MSRA: variants seen among roughly 807,000 people sequenced by gnomAD.
MSRA encodes the protein methionine sulfoxide reductase A.
Under a neutral mutation model 31.3 loss-of-function variants are expected in MSRA, and 54 were observed. The observed-to-expected ratio is 1.73, with a 90% CI of 1.39 to 2.17. MSRA has a LOEUF of 2.17. Among genes scored for constraint, MSRA ranks in the 30% most tolerant of loss-of-function variants. The pLI, the probability that MSRA is intolerant of heterozygous loss-of-function variation, is 0.00. For missense variants in MSRA, 507 were observed against 300.9 expected, an observed-to-expected ratio of 1.69 and a Z score of -5.07; for synonymous variants, 169 against 116.5, an observed-to-expected ratio of 1.45 and a Z score of -2.90.
Position 10,428,281 on chromosome 8 carries a change from G to GC in MSRA, c.678dup (p.Val227ArgfsTer8). 1 of 1,614,086 alleles carries GC rather than the reference G, an allele frequency of 6.2e-7. No individual in the cohort carries two copies. The highest frequency in any genetic ancestry group is 8.5e-7 in the Non-Finnish European group (1 of 1,180,014). On this transcript the variant is annotated frameshift_variant, in exon 6 of 6. Coordinates refer to ENST00000317173, the MANE Select transcript of MSRA (RefSeq NM_012331.5). LOFTEE classifies it high-confidence loss of function. ...GGCTACTGCGGCCTTGGGGGCACCGGCGTGTCCTGCCCAGTGGGTATTAAA... is the reference window on the plus strand; with the variant it reads ...GGCTACTGCGGCCTTGGGGGCACCGGCCGTGTCCTGCCCAGTGGGTATTAAA...
chr8:10,207,947 T>A, intron 2 of MSRA, 46 bp downstream of exon 2: 1 of 1,497,976 alleles, frequency 6.7e-7, no homozygotes, highest in Non-Finnish European at 9.2e-7. Context: ...GTGCAAAGAC[T>A]AGTGCCAAAT....
intron 1 of MSRA, among the ~76,000 whole-genome samples, chr8:10,148,225 C>G (rs1034764464): frequency 6.6e-6 from 1 of 151,994 alleles, no homozygotes; most frequent in Non-Finnish European, 1.5e-5. Context: ...CTAATGTGAT[C>G]CATTCAGAAG....
chr8:10,416,014 T>G (rs1004493975), intron 5 of MSRA, among the ~76,000 whole-genome samples: 1 of 152,124 alleles, frequency 6.6e-6, no homozygotes, highest in Non-Finnish European at 1.5e-5. Flanking sequence ...TCTGACCCTC[T>G]GGGTGGGGGA....
At chr8:10,363,036 C>T (rs1174754035) in intron 5 of MSRA, among the ~76,000 whole-genome samples, 1 of 152,184 alleles carries the variant, frequency 6.6e-6, no homozygotes, top group Non-Finnish European at 1.5e-5. Context: ...TATTCAGTGA[C>T]CCTCGCCAGC....
chr8:10,107,014 CTG>C (rs1799932251), intron 1 of MSRA, among the ~76,000 whole-genome samples: 1 of 152,172 alleles, frequency 6.6e-6, no homozygotes, highest in Non-Finnish European at 1.5e-5. Flanking sequence ...CATTTAGTCT[CTG>C]AGTCCCTCAG....
At chr8:10,176,261 A>G (rs754020168) in intron 1 of MSRA, among the ~76,000 whole-genome samples, 1 of 152,234 alleles carries the variant, frequency 6.6e-6, no homozygotes, top group Non-Finnish European at 1.5e-5. Flanking sequence ...AAGTCCTCAA[A>G]TCTGTCCTTT....
chr8:10,313,086 G>A (rs1301591333), intron 4 of MSRA, among the ~76,000 whole-genome samples: 1 of 152,062 alleles, frequency 6.6e-6, no homozygotes, highest in Non-Finnish European at 1.5e-5. Context: ...TTCCCCAGCC[G>A]GACACCATTC....
intron 3 of MSRA, among the ~76,000 whole-genome samples, chr8:10,251,867 G>GGT (rs1554505683): frequency 1.3e-5 from 2 of 151,728 alleles, no homozygotes; most frequent in Admixed American, 1.3e-4. Flanking sequence ...ATGGTGGGGG[G>GGT]GGGGGGACAT....
chr8:10,386,246 C>T (rs115486263), intron 5 of MSRA, among the ~76,000 whole-genome samples: 1,648 of 152,266 alleles, frequency 0.011, 22 homozygotes, highest in Middle Eastern at 0.065. Context: ...AATTGTGTAG[C>T]CAAGTGGAAG....
rs145609986 is a variant in MSRA at position 10,423,908 on chromosome 8, CTCAT to C, written c.544-4218_544-4215del. On this transcript the variant is annotated intron_variant, in intron 5 of 5. Transcript: ENST00000317173. ...ATCCCAAGAATCCATAGTTCATTTT[CTCAT>C]TCATTCATTCATTCATTCATTAATT... Among the ~76,000 whole-genome samples the C allele has an allele frequency of 1.4e-4, 18 of 130,672 alleles. No homozygotes were observed. In the East Asian group the frequency reaches 3.3e-3, roughly 24 times the overall value. 85.7% of individuals were successfully genotyped at this position (130,672 alleles called of 152,430 possible). A position where few individuals can be genotyped will look rare whatever the true frequency, so the allele number is the denominator to read the frequency against.
chr8:10,385,631 G>C (rs1409766227), intron 5 of MSRA, among the ~76,000 whole-genome samples: 1 of 152,164 alleles, frequency 6.6e-6, no homozygotes, highest in Non-Finnish European at 1.5e-5. Context: ...GAGTTCAGTG[G>C]GGGACACATG....
At position 10,404,856 on chromosome 8, in the gene MSRA, C is replaced by T. The variant is rs187053558; in HGVS notation, c.544-23292C>T. Among the ~76,000 whole-genome samples, 267 of 152,268 alleles carry T rather than the reference C, an allele frequency of 1.8e-3. 5 individuals are homozygous for T. The highest frequency in any genetic ancestry group is 6.1e-3 in the African/African-American group (252 of 41,562). On this transcript the variant is annotated intron_variant, in intron 5 of 5. Coordinates refer to ENST00000317173, the MANE Select transcript of MSRA (RefSeq NM_012331.5). ...TGTGGCGTGTCCCACTTCCCAAGCA[C>T]GGCATCCTCCCCAGTCTCCTTGCTA...
At chr8:10,061,735 C>T (rs1185474433) in intron 1 of MSRA, among the ~76,000 whole-genome samples, 4 of 152,198 alleles carry the variant, frequency 2.6e-5, no homozygotes, top group Non-Finnish European at 5.9e-5. Flanking sequence ...AACAGAGCTG[C>T]CCCATTGTCC....
intron 5 of MSRA, among the ~76,000 whole-genome samples, chr8:10,403,781 C>T (rs144777702): frequency 4.6e-5 from 7 of 152,182 alleles, no homozygotes; most frequent in African/African-American, 9.7e-5. Context: ...CTGAGGCAGA[C>T]GGGCGGGACG....
chr8:10,378,633 C>A (rs151062789), intron 5 of MSRA, among the ~76,000 whole-genome samples: 2 of 152,202 alleles, frequency 1.3e-5, no homozygotes, highest in Admixed American at 6.5e-5. Flanking sequence ...TCAGCAGCTC[C>A]GCGTCCCTTC....
chr8:10,061,611 A>C (rs1221937484), intron 1 of MSRA, among the ~76,000 whole-genome samples: 1 of 152,136 alleles, frequency 6.6e-6, no homozygotes, highest in Non-Finnish European at 1.5e-5. Context: ...ACAGCACTTC[A>C]CCAAGAGTGC....
intron 5 of MSRA, among the ~76,000 whole-genome samples, chr8:10,375,489 G>T (rs1805707724): frequency 6.6e-6 from 1 of 152,222 alleles, no homozygotes; most frequent in African/African-American, 2.4e-5. Flanking sequence ...CCAGTGGCCT[G>T]TGGGTGCCTC....
chr8:10,335,011 T>C (rs868482916), intron 5 of MSRA, among the ~76,000 whole-genome samples: 1 of 97,894 alleles, frequency 1.0e-5, no homozygotes, highest in African/African-American at 3.0e-5. Context: ...CTCGTGTCCT[T>C]AGGTCTAGTG....
chr8:10,344,470 A>G (rs563296129), intron 5 of MSRA, among the ~76,000 whole-genome samples: 2 of 145,334 alleles, frequency 1.4e-5, no homozygotes, highest in South Asian at 4.5e-4. Context: ...GCTACTGGGG[A>G]GGCTGAGGCA....
Sources: allele counts gnomAD v4.1 joint callset (sites outside exome capture counted in the v4.1 genomes callset), GRCh38; gene constraint gnomAD v4.1.1; transcripts MANE v1.5; gene names NCBI Gene and HGNC (gene_info 2026-07-23, HGNC 2026-07-21).